Variants in C10orf67 observed in about 807,000 individuals in gnomAD.
C10orf67 encodes uncharacterized protein C10orf67, mitochondrial.
In C10orf67, 60 loss-of-function variants were observed where a neutral mutation model predicts 35.6. That is an observed-to-expected ratio of 1.68 (90% CI 1.37 to 2.09). The LOEUF (loss-of-function observed/expected upper bound fraction) is 2.09, where lower values mean the gene tolerates loss of function less well. Among genes scored for constraint, C10orf67 ranks in the 30% most tolerant of loss-of-function variants. The pLI is 0.00. For missense variants in C10orf67, 474 were observed against 330.2 expected (o/e 1.44, Z -3.38); for synonymous variants, 167 against 115.8 (o/e 1.44, Z -2.84).
intron 15 of C10orf67, among the ~76,000 whole-genome samples, chr10:23,205,884 A>G (rs1841145549): frequency 6.6e-6 from 1 of 152,266 alleles, no homozygotes; most frequent in Admixed American, 6.5e-5. Context: ...TAATAAAAAA[A>G]GGATGTAAAT....
At chr10:23,209,735 C>T (rs952019990) in intron 15 of C10orf67, among the ~76,000 whole-genome samples, 4 of 152,090 alleles carry the variant, frequency 2.6e-5, no homozygotes, top group African/African-American at 7.2e-5. Flanking sequence ...TGCAGTGGCT[C>T]ATGCCTGTAA....
At chr10:23,221,431 G>T (rs139535596) in intron 15 of C10orf67, among the ~76,000 whole-genome samples, 1 of 152,078 alleles carries the variant, frequency 6.6e-6, no homozygotes, top group South Asian at 2.1e-4. Flanking sequence ...TCTTTAATAG[G>T]TATTTTTGAA....
At chr10:23,270,247 G>T (rs1426518578) in intron 8 of C10orf67, among the ~76,000 whole-genome samples, 1 of 152,176 alleles carries the variant, frequency 6.6e-6, no homozygotes, top group Non-Finnish European at 1.5e-5. Flanking sequence ...GCAGGGTGGG[G>T]TGATGGTCCA....
chr10:23,301,173 G>A (rs761886053), intron 5 of C10orf67, among the ~76,000 whole-genome samples: 1 of 152,198 alleles, frequency 6.6e-6, no homozygotes, highest in Non-Finnish European at 1.5e-5. Flanking sequence ...ACGCATGGGC[G>A]ACTGTTGAGT....
chr10:23,319,341 AT>A (rs1049969817), intron 4 of C10orf67, among the ~76,000 whole-genome samples: 2 of 152,014 alleles, frequency 1.3e-5, no homozygotes, highest in African/African-American at 4.8e-5. Context: ...TGATTTTATT[AT>A]TTTTTATGGC....
chr10:23,263,083 G>GGA (rs1204834334), intron 10 of C10orf67, among the ~76,000 whole-genome samples: 1 of 152,144 alleles, frequency 6.6e-6, no homozygotes, highest in Non-Finnish European at 1.5e-5. Flanking sequence ...TCCTATCTCT[G>GGA]TATTACTACA....
intron 5 of C10orf67, among the ~76,000 whole-genome samples, chr10:23,299,748 C>T (rs555141128): frequency 5.9e-5 from 9 of 152,084 alleles, no homozygotes; most frequent in East Asian, 3.9e-4. Context: ...GAGGCTGAGG[C>T]GGGCGAATCA....
chr10:23,202,327 G>C (rs1157533732), downstream of C10orf67: 4 of 152,198 alleles, frequency 2.6e-5, no homozygotes, highest in African/African-American at 9.6e-5. Context: ...AAATGCTAAA[G>C]CATGCGTCAT....
chr10:23,282,020 T>C lies in C10orf67; in HGVS notation c.968A>G (p.Gln323Arg). The change falls in exon 8 of 16, where the codon CAG becomes CGG. Residue 323 changes from glutamine to arginine, a missense_variant. Transcript: ENST00000636213. ...EELHYEKSLV[Q>R]DVINKQKEDK... Reference sequence around the variant, plus strand: ...TAATGTAAATCATCTTACCACATCCTGAACTAATGATTTTTCATAATGAAG... The same window carrying C: ...TAATGTAAATCATCTTACCACATCCCGAACTAATGATTTTTCATAATGAAG... 1.6e-6 allele frequency: 1 copy of C among 623,860 alleles called. No individual in the cohort carries two copies. Among genetic ancestry groups the C allele is most frequent in the Non-Finnish European group, 2.9e-6 (1 of 344,098 alleles). The allele number at this position is 623,860 out of a possible 1,614,324, so 38.6% of individuals were successfully genotyped here. A position where few individuals can be genotyped will look rare whatever the true frequency, so the allele number is the denominator to read the frequency against.
intron 12 of C10orf67, among the ~76,000 whole-genome samples, chr10:23,242,032 C>T (rs1842196646): frequency 6.6e-6 from 1 of 151,858 alleles, no homozygotes; most frequent in Non-Finnish European, 1.5e-5. Context: ...AGTGCAGTGG[C>T]ACAATCTTGG....
At chr10:23,211,957 T>C (rs1841320671) in intron 15 of C10orf67, among the ~76,000 whole-genome samples, 1 of 152,184 alleles carries the variant, frequency 6.6e-6, no homozygotes, top group African/African-American at 2.4e-5. Flanking sequence ...AGGAATTGAA[T>C]TGTGTCTCCC....
chr10:23,332,176 A>G (rs1845511710), intron 2 of C10orf67, among the ~76,000 whole-genome samples: 1 of 152,252 alleles, frequency 6.6e-6, no homozygotes, highest in Non-Finnish European at 1.5e-5. Flanking sequence ...GGAAAGCTAA[A>G]TATATGATGC....
At chr10:23,320,629 G>T in intron 4 of C10orf67, 112 bp downstream of exon 4, 1 of 734,588 alleles carries the variant, frequency 1.4e-6, no homozygotes, top group Non-Finnish European at 2.3e-6. Context: ...CGAGGAAACA[G>T]GCCTTCAGAG....
At chr10:23,279,967 C>T (rs2069620786) in intron 8 of C10orf67, among the ~76,000 whole-genome samples, 2 of 152,048 alleles carry the variant, frequency 1.3e-5, no homozygotes, top group Admixed American at 6.5e-5. Flanking sequence ...TCACACTTCC[C>T]ACCTAGCCTC....
chr10:23,229,854 T>C (rs1841858124), intron 13 of C10orf67, among the ~76,000 whole-genome samples: 1 of 152,116 alleles, frequency 6.6e-6, no homozygotes, highest in Non-Finnish European at 1.5e-5. Flanking sequence ...ATATATAACA[T>C]ATTTACAGAT....
At chr10:23,216,673 C>T (rs561122842) in intron 15 of C10orf67, among the ~76,000 whole-genome samples, 1 of 152,100 alleles carries the variant, frequency 6.6e-6, no homozygotes, top group Non-Finnish European at 1.5e-5. Flanking sequence ...CTACATACAG[C>T]AAAATACTGT....
intron 13 of C10orf67, among the ~76,000 whole-genome samples, chr10:23,232,894 T>A: frequency 6.6e-6 from 1 of 152,160 alleles, no homozygotes. Context: ...TGGTGGCTCA[T>A]ACCTGCAATC....
chr10:23,320,812 C>T lies in C10orf67; in HGVS notation c.475G>A (p.Glu159Lys). ...TTGAAGGATTTTCTCATCTTATCCT[C>T]ATTCTGCAAACAAAAATAAATGCAA... ...LEIEKHYQQN[E>K]DKMRKSFNQQ... Residue 159 changes from glutamate to lysine, a missense_variant, in exon 4 of 16, where the codon GAG (glutamate) becomes AAG (lysine). Glu to Lys is a moderately conservative substitution (Grantham distance 56, BLOSUM62 1). Coordinates refer to ENST00000636213, the MANE Select transcript of C10orf67 (RefSeq NM_001371909.1). 1 of 1,573,894 alleles carries T rather than the reference C, an allele frequency of 6.4e-7. No homozygotes were observed. Among genetic ancestry groups the T allele is most frequent in the East Asian group, 2.3e-5 (1 of 43,846 alleles).
chr10:23,289,848 G>A (rs560510774), intron 7 of C10orf67, 52 bp downstream of exon 7: 22 of 707,928 alleles, frequency 3.1e-5, no homozygotes, highest in Middle Eastern at 2.5e-4. Flanking sequence ...GGCCAATTGC[G>A]CCTATAGTTC....
Sources: allele counts gnomAD v4.1 joint callset (sites outside exome capture counted in the v4.1 genomes callset), GRCh38; gene constraint gnomAD v4.1.1; transcripts MANE v1.5; gene names NCBI Gene and HGNC (gene_info 2026-07-23, HGNC 2026-07-21).